SMARCA2: variants seen among roughly 807,000 people sequenced by gnomAD.
The protein encoded by SMARCA2 is SWI/SNF-related matrix-associated actin-dependent regulator of chromatin subfamily A member 2.
A neutral mutation model predicts 199.8 loss-of-function variants in SMARCA2; 61 were observed. The observed-to-expected ratio is 0.31, with a 90% CI of 0.25 to 0.38. The LOEUF (loss-of-function observed/expected upper bound fraction) is 0.38. SMARCA2 is among the 10% of genes least tolerant of loss of function. The probability of loss-of-function intolerance (pLI) is 1.00; values close to 1 mark genes in which losing one functional copy is unlikely to be tolerated. For missense variants in SMARCA2, 1,344 were observed against 2,012.2 expected (o/e 0.67, Z 6.35); for synonymous variants, 935 against 732.0 (o/e 1.28, Z -4.48).
At chr9:2,083,492 G>A (rs1382313508) in intron 16 of SMARCA2, 79 bp downstream of exon 16, 1 of 857,804 alleles carries the variant, frequency 1.2e-6, no homozygotes, top group Non-Finnish European at 1.9e-6. Context: ...ATGCACATCT[G>A]TGAACTGTAT....
In SMARCA2 at chr9:2,110,584, G is replaced by C. The variant is rs908808489; in HGVS notation, c.3456+167G>C. On this transcript the variant is annotated intron_variant, in intron 24 of 33. Transcript: ENST00000349721. The surrounding 1 kb of genome is among the most constrained non-coding windows in gnomAD (Gnocchi z 4.8). ...GTTTTCTTATCTCCCTTAGAGCATA[G>C]ATACGAGGTCCCACATATGCCTTTG... is the stretch of plus-strand genomic sequence containing the variant. Among the ~76,000 whole-genome samples the C allele has an allele frequency of 2.6e-5, 4 of 152,226 alleles. No homozygotes were observed. Among genetic ancestry groups the C allele is most frequent in the African/African-American group, 9.6e-5 (4 of 41,454 alleles).
chr9:2,144,375 G>A (rs192948955), intron 27 of SMARCA2, among the ~76,000 whole-genome samples: 17 of 152,252 alleles, frequency 1.1e-4, no homozygotes, highest in Admixed American at 7.2e-4. Flanking sequence ...TGTGTCCTTC[G>A]CTGGATGGGG....
chr9:2,105,293 T>C (rs1015097399), intron 23 of SMARCA2, among the ~76,000 whole-genome samples: 4 of 152,140 alleles, frequency 2.6e-5, no homozygotes, highest in Admixed American at 1.3e-4. Context: ...TCACCCAGGC[T>C]GGAATGCAGT....
At chr9:2,145,251 C>T (rs1340763133) in intron 27 of SMARCA2, among the ~76,000 whole-genome samples, 1 of 147,586 alleles carries the variant, frequency 6.8e-6, no homozygotes, top group East Asian at 2.0e-4. Context: ...TGCAGTGAGC[C>T]GAGACTGCAA....
At position 2,116,168 on chromosome 9, in the gene SMARCA2, T is replaced by C. The variant is rs1271902274; in HGVS notation, c.3684+119T>C. The C allele has an allele frequency of 5.4e-6, 4 of 739,088 alleles. No homozygotes were observed. In the East Asian group the frequency reaches 8.1e-5, roughly 15 times the overall value. The allele number at this position is 739,088 out of a possible 1,614,324, so 45.8% of individuals were successfully genotyped here. ...GCTGGCGTTAATGAAAATGAAGAAATAAACTGCTGTTTTAGATCCCAACCA... is the reference window on the plus strand; with the variant it reads ...GCTGGCGTTAATGAAAATGAAGAAACAAACTGCTGTTTTAGATCCCAACCA... On this transcript the variant is annotated intron_variant, in intron 25 of 33. Coordinates refer to ENST00000349721, the MANE Select transcript of SMARCA2 (RefSeq NM_003070.5).
In SMARCA2 at chr9:2,061,780, C is replaced by T. The variant is rs894713888; in HGVS notation, c.1692+794C>T. Among the ~76,000 whole-genome samples, 8 of 152,282 alleles carry T rather than the reference C, an allele frequency of 5.3e-5. No individual in the cohort carries two copies. In the South Asian group the frequency reaches 1.4e-3, roughly 28 times the overall value. ...GATTGGTAGCATTTAATCATTCATTCTGTATACTGAATAAGTGAACAAAAT... is the reference window on the plus strand; with the variant it reads ...GATTGGTAGCATTTAATCATTCATTTTGTATACTGAATAAGTGAACAAAAT... On this transcript the variant is annotated intron_variant, in intron 9 of 33. Coordinates refer to ENST00000349721, the MANE Select transcript of SMARCA2 (RefSeq NM_003070.5).
intron 10 of SMARCA2, among the ~76,000 whole-genome samples, chr9:2,071,331 G>T (rs1821077319): frequency 6.6e-6 from 1 of 152,148 alleles, no homozygotes; most frequent in South Asian, 2.1e-4. Flanking sequence ...CTATCACAAG[G>T]AAAGAAAGGA....
At chr9:2,112,683 A>T (rs891995017) in intron 24 of SMARCA2, among the ~76,000 whole-genome samples, 4 of 152,224 alleles carry the variant, frequency 2.6e-5, no homozygotes, top group African/African-American at 9.6e-5. Context: ...TCTAGCTGCC[A>T]TAGGTAGATT....
chr9:2,115,771 A>C lies in SMARCA2; in HGVS notation c.3457-51A>C. The C allele has an allele frequency of 6.7e-7, 1 of 1,482,362 alleles. No homozygotes were observed. Among genetic ancestry groups the C allele is most frequent in the South Asian group, 1.2e-5 (1 of 86,528 alleles). 91.8% of individuals were successfully genotyped at this position (1,482,362 alleles called of 1,614,324 possible). A position where few individuals can be genotyped will look rare whatever the true frequency, so the allele number is the denominator to read the frequency against. ...CCTCTGGGGTGGGGTCCGGTTTTGG[A>C]TGCCTATGCCAGGCATCTCAGTCCT... is the stretch of plus-strand genomic sequence containing the variant. On this transcript the variant is annotated intron_variant, in intron 24 of 33. Transcript: ENST00000349721. This position sits in a 1 kb window ranked among gnomAD's most constrained non-coding sequence, Gnocchi z 6.0.
At chr9:2,071,110 T>G (rs1218699492) in intron 10 of SMARCA2, among the ~76,000 whole-genome samples, 1 of 152,226 alleles carries the variant, frequency 6.6e-6, no homozygotes, top group African/African-American at 2.4e-5. Flanking sequence ...GAAGGGAGTT[T>G]GTTTCAAATT....
intron 1 of SMARCA2, chr9:2,015,906 G>A (rs1418361000): frequency 6.6e-6 from 1 of 152,390 alleles, no homozygotes; most frequent in Admixed American, 6.5e-5. Context: ...TGGGGGACAG[G>A]GGAGGAGGAT....
At chr9:2,189,955 C>G (rs1469733930) in intron 32 of SMARCA2, among the ~76,000 whole-genome samples, 1 of 152,190 alleles carries the variant, frequency 6.6e-6, no homozygotes, top group Non-Finnish European at 1.5e-5. Context: ...ATGACAACAT[C>G]TATTTCTAGA....
intron 27 of SMARCA2, among the ~76,000 whole-genome samples, chr9:2,146,283 C>T (rs1824739581): frequency 6.6e-6 from 1 of 152,092 alleles, no homozygotes; most frequent in Non-Finnish European, 1.5e-5. Context: ...CTCCCAAAGG[C>T]CCCACCTCCT....
chr9:2,103,819 T>TTTTCC (rs1822637062), intron 22 of SMARCA2, among the ~76,000 whole-genome samples, 184 bp from the exon 23 acceptor site: 1 of 152,138 alleles, frequency 6.6e-6, no homozygotes. Flanking sequence ...TATGAATATA[T>TTTTCC]TTTCCTTTTC....
chr9:2,079,602 C>G (rs570377237), intron 14 of SMARCA2, among the ~76,000 whole-genome samples: 1 of 148,186 alleles, frequency 6.7e-6, no homozygotes, highest in African/African-American at 2.7e-5. Flanking sequence ...GATCTCCTTC[C>G]AAGATCTTGG....
chr9:2,015,578 C>T (rs897279738), intron 1 of SMARCA2, among the ~76,000 whole-genome samples, 174 bp downstream of exon 1: 1 of 152,050 alleles, frequency 6.6e-6, no homozygotes, highest in Non-Finnish European at 1.5e-5. Flanking sequence ...GCGGGCCAAC[C>T]GCCGCGACAA....
chr9:2,039,945 G>T lies in SMARCA2; in HGVS notation c.790+45G>T. 2 of 1,600,292 alleles carry T rather than the reference G, an allele frequency of 1.2e-6. No homozygotes were observed. The highest frequency in any genetic ancestry group is 1.7e-6 in the Non-Finnish European group (2 of 1,173,592). On this transcript the variant is annotated intron_variant, in intron 4 of 33. Coordinates refer to ENST00000349721, the MANE Select transcript of SMARCA2 (RefSeq NM_003070.5). The surrounding 1 kb of genome is among the most constrained non-coding windows in gnomAD (Gnocchi z 4.8). ...AATGAATAATGCCATGGTCCAACTC[G>T]GATAACAAAGACTGCTCACCAAAAC...
In SMARCA2 at chr9:2,020,490, G is replaced by A. The variant is rs1019981411; in HGVS notation, c.-37+5086G>A. Among the ~76,000 whole-genome samples the A allele has an allele frequency of 3.3e-5, 5 of 152,214 alleles. No homozygotes were observed. The South Asian group carries it at 1.0e-3, about 32-fold the overall frequency. ...TTATTTTTTCTATATAGAAACTTAT[G>A]ACTTTATACTTACTAGGGACTATAG... On this transcript the variant is annotated intron_variant, in intron 1 of 33. Coordinates refer to ENST00000349721, the MANE Select transcript of SMARCA2 (RefSeq NM_003070.5).
At chr9:2,023,907 C>G (rs527672104) in intron 1 of SMARCA2, among the ~76,000 whole-genome samples, 270 of 152,360 alleles carry the variant, frequency 1.8e-3, no homozygotes, top group African/African-American at 6.3e-3. Flanking sequence ...CTTATCTTAA[C>G]TATCTCCTGA....
Sources: gnomAD v4.1 joint callset for allele counts (sites outside exome capture counted in the v4.1 genomes callset) on GRCh38, gnomAD v4.1.1 for gene constraint, Gnocchi (gnomAD v3.1) non-coding constraint, MANE v1.5 for transcripts, NCBI Gene and HGNC (gene_info 2026-07-23, HGNC 2026-07-21) for gene names.